FNDC3A: variants seen among roughly 807,000 people sequenced by gnomAD.
FNDC3A encodes fibronectin type III domain containing 3A, also known as fibronectin type-III domain-containing protein 3A.
A neutral mutation model predicts 148.9 loss-of-function variants in FNDC3A; 32 were observed. The ratio of observed to expected loss-of-function variants is 0.21; its 90% confidence interval spans 0.16 to 0.29. The LOEUF is 0.29. Among genes scored for constraint, FNDC3A ranks in the 10% least tolerant of loss-of-function variants. The pLI is 1.00. For synonymous variants in FNDC3A, 472 were observed against 473.6 expected (o/e 1.00, Z 0.04); for missense variants, 1,191 against 1,452.8 (o/e 0.82, Z 2.93).
At chr13:49,079,191 A>C (rs972672012) in intron 3 of FNDC3A, among the ~76,000 whole-genome samples, 2 of 152,206 alleles carry the variant, frequency 1.3e-5, no homozygotes, top group Non-Finnish European at 2.9e-5. Flanking sequence ...TATAGCATAC[A>C]TTCTGGAAAG....
chr13:48,976,871 G>A (rs1951613955), intron 1 of FNDC3A: 1 of 152,218 alleles, frequency 6.6e-6, no homozygotes, highest in Non-Finnish European at 1.5e-5. Context: ...TAACAACCTG[G>A]ATCTTCGAAC....
At chr13:49,011,358 C>G (rs1004608704) in intron 2 of FNDC3A, among the ~76,000 whole-genome samples, 1 of 152,038 alleles carries the variant, frequency 6.6e-6, no homozygotes, top group African/African-American at 2.4e-5. Flanking sequence ...CTCAGCCTCC[C>G]AAGTGGCGGA....
At chr13:49,071,420 A>T (rs768087233) in intron 2 of FNDC3A, among the ~76,000 whole-genome samples, 1 of 152,048 alleles carries the variant, frequency 6.6e-6, no homozygotes, top group Non-Finnish European at 1.5e-5. Flanking sequence ...GTCATATGGT[A>T]GTTCTATTGT....
chr13:49,137,751 G>A (rs889885903), intron 6 of FNDC3A, among the ~76,000 whole-genome samples: 6 of 152,336 alleles, frequency 3.9e-5, no homozygotes, highest in Non-Finnish European at 8.8e-5. Context: ...TTAGTACCCA[G>A]TACTTTTGAT....
chr13:49,193,070 A>T (rs1411807967), intron 19 of FNDC3A, among the ~76,000 whole-genome samples: 2 of 152,172 alleles, frequency 1.3e-5, no homozygotes, highest in Non-Finnish European at 2.9e-5. Flanking sequence ...TGAGGAACAG[A>T]ATCCTTACTT....
intron 3 of FNDC3A, among the ~76,000 whole-genome samples, chr13:49,082,453 A>T (rs527540237): frequency 1.3e-5 from 2 of 152,284 alleles, no homozygotes; most frequent in South Asian, 2.1e-4. Context: ...TTTTGATTTT[A>T]AAAATCTAGG....
At chr13:48,986,791 T>G (rs1951814901) in intron 1 of FNDC3A, among the ~76,000 whole-genome samples, 1 of 152,152 alleles carries the variant, frequency 6.6e-6, no homozygotes, top group Admixed American at 6.5e-5. Flanking sequence ...ACAAAGAATC[T>G]GGTCATCTCA....
At chr13:48,997,854 A>G (rs1413962728) in intron 1 of FNDC3A, among the ~76,000 whole-genome samples, 2 of 151,848 alleles carry the variant, frequency 1.3e-5, no homozygotes, top group Non-Finnish European at 2.9e-5. Flanking sequence ...GTAGCTTTGG[A>G]ACTGTGTAAT....
At chr13:49,094,390 T>C (rs1375568369) in intron 3 of FNDC3A, among the ~76,000 whole-genome samples, 2 of 152,136 alleles carry the variant, frequency 1.3e-5, no homozygotes, top group Non-Finnish European at 2.9e-5. Flanking sequence ...AAGCAGAATA[T>C]ACTGAAAATA....
chr13:49,097,351 T>G (rs1879595180), intron 3 of FNDC3A, among the ~76,000 whole-genome samples: 3 of 151,410 alleles, frequency 2.0e-5, no homozygotes. Context: ...GGAAAGCCCT[T>G]GCTTTTTTAC....
intron 8 of FNDC3A, 81 bp downstream of exon 8, chr13:49,146,016 C>A: frequency 2.9e-6 from 3 of 1,023,926 alleles, no homozygotes; most frequent in Non-Finnish European, 4.3e-6. Flanking sequence ...TTTTGCTCTA[C>A]TTTTCCTTCT....
chr13:49,101,618 CTT>C (rs940502122), intron 3 of FNDC3A, among the ~76,000 whole-genome samples: 5 of 152,038 alleles, frequency 3.3e-5, no homozygotes, highest in African/African-American at 1.2e-4. Context: ...AAAATCAACT[CTT>C]CTTTTAATTT....
chr13:49,030,670 G>A (rs1003568344), intron 2 of FNDC3A, among the ~76,000 whole-genome samples: 4 of 152,092 alleles, frequency 2.6e-5, no homozygotes, highest in Non-Finnish European at 5.9e-5. Flanking sequence ...AAGGTTGTGG[G>A]ATATAGGTTC....
chr13:49,027,018 T>G (rs1043183219), intron 2 of FNDC3A, among the ~76,000 whole-genome samples: 1 of 146,992 alleles, frequency 6.8e-6, no homozygotes, highest in African/African-American at 2.5e-5. Flanking sequence ...AACCTGATAG[T>G]TTTTTTTTTA....
Position 49,162,129 on chromosome 13 carries a change from A to G in FNDC3A, c.978-5115A>G, listed in dbSNP as rs565212684. On this transcript the variant is annotated intron_variant, in intron 8 of 25. Coordinates refer to ENST00000492622, the MANE Select transcript of FNDC3A (RefSeq NM_001079673.2). ...GGAGTGTCTTTGTGGTGGTCTCTGTATTTCGTAAATTTGAATGTTGGCCTG... is the reference window on the plus strand; with the variant it reads ...GGAGTGTCTTTGTGGTGGTCTCTGTGTTTCGTAAATTTGAATGTTGGCCTG... Among the ~76,000 whole-genome samples the G allele has an allele frequency of 9.7e-4, 147 of 152,032 alleles. No individual in the cohort carries two copies. The South Asian group carries it at 0.03, about 31-fold the overall frequency.
chr13:48,980,827 C>G (rs968439561), intron 1 of FNDC3A, among the ~76,000 whole-genome samples: 1 of 152,026 alleles, frequency 6.6e-6, no homozygotes, highest in Non-Finnish European at 1.5e-5. Flanking sequence ...ATCATGAGAG[C>G]ATTTTTTCAT....
Position 49,062,094 on chromosome 13 carries a change from A to C in FNDC3A, c.100-13195A>C, listed in dbSNP as rs929774803. Among the ~76,000 whole-genome samples, 3 of 152,052 alleles carry C rather than the reference A, an allele frequency of 2.0e-5. No individual in the cohort carries two copies. In the East Asian group the frequency reaches 5.8e-4, roughly 30 times the overall value. Reference sequence around the variant, plus strand: ...AAAGCCCCGAAGTATCACCATGTTGATTATCACTATTGAAGGGAAACTGTG... The same window carrying C: ...AAAGCCCCGAAGTATCACCATGTTGCTTATCACTATTGAAGGGAAACTGTG... On this transcript the variant is annotated intron_variant, in intron 2 of 25. Transcript: ENST00000492622.
chr13:49,140,003 T>G (rs568327292), intron 7 of FNDC3A, among the ~76,000 whole-genome samples: 21 of 152,348 alleles, frequency 1.4e-4, no homozygotes, highest in African/African-American at 4.8e-4. Flanking sequence ...ATTTAATAGC[T>G]AATGCTAGTA....
chr13:49,145,912 T>C lies in FNDC3A; in HGVS notation c.954T>C (p.Asp318=), dbSNP rs946424076. The part of the protein sequence containing the change: ...YEVLISSTGK[D]GKYKSVYVGE... ...TTCTGATCTCAAGTACTGGAAAAGA[T>C]GGGAAATACAAAAGTGTATATGTGT... Residue 318 remains aspartate, a synonymous_variant, in exon 8 of 26, where the codon GAT becomes GAC. Transcript: ENST00000492622. 1.2e-6 allele frequency: 2 copies of C among 1,612,748 alleles called. No individual in the cohort carries two copies. Among genetic ancestry groups the C allele is most frequent in the Non-Finnish European group, 1.7e-6 (2 of 1,179,264 alleles).
Sources: gnomAD v4.1 joint callset for allele counts (sites outside exome capture counted in the v4.1 genomes callset) on GRCh38, gnomAD v4.1.1 for gene constraint, MANE v1.5 for transcripts, NCBI Gene and HGNC (gene_info 2026-07-23, HGNC 2026-07-21) for gene names.